Variants in SLC2A13 observed in about 807,000 individuals in gnomAD.
SLC2A13 encodes proton myo-inositol cotransporter.
A neutral mutation model predicts 64.4 loss-of-function variants in SLC2A13; 32 were observed. The ratio of observed to expected loss-of-function variants is 0.50; its 90% CI spans 0.37 to 0.67. The LOEUF (loss-of-function observed/expected upper bound fraction) is 0.67. Among genes scored for constraint, SLC2A13 ranks in the 30% least tolerant of loss-of-function variants. SLC2A13 has a pLI of 0.00. For missense variants in SLC2A13, 743 were observed against 829.2 expected (o/e 0.90, Z 1.28); for synonymous variants, 338 against 327.1 (o/e 1.03, Z -0.36).
At chr12:39,946,116 T>G (rs2136093397) in intron 4 of SLC2A13, among the ~76,000 whole-genome samples, 1 of 152,332 alleles carries the variant, frequency 6.6e-6, no homozygotes, top group East Asian at 1.9e-4. Context: ...CTGCAGTGTT[T>G]GTTGTCTCTC....
At chr12:39,829,472 T>TC (rs1942794956) in intron 7 of SLC2A13, 1 of 107,610 alleles carries the variant, frequency 9.3e-6, no homozygotes, top group African/African-American at 4.2e-5. Flanking sequence ...AGTGGTTTGA[T>TC]CTCAGCTCAC....
intron 3 of SLC2A13, among the ~76,000 whole-genome samples, chr12:40,025,106 T>C (rs1429130411): frequency 1.3e-5 from 2 of 152,196 alleles, no homozygotes; most frequent in Non-Finnish European, 2.9e-5. Flanking sequence ...TTGCCAACTA[T>C]AGTGGAAAAA....
chr12:39,976,819 A>G (rs778023414), intron 3 of SLC2A13, among the ~76,000 whole-genome samples: 2 of 152,082 alleles, frequency 1.3e-5, no homozygotes, highest in African/African-American at 4.8e-5. Context: ...CCAAACCAAA[A>G]CTTCCAACTT....
chr12:39,948,801 A>G (rs139723832), intron 4 of SLC2A13, among the ~76,000 whole-genome samples: 61 of 152,292 alleles, frequency 4.0e-4, no homozygotes, highest in African/African-American at 1.4e-3. Flanking sequence ...ATACATAAAC[A>G]TATGTGTTAT....
intron 4 of SLC2A13, among the ~76,000 whole-genome samples, chr12:39,896,586 A>G (rs868743093): frequency 1.3e-4 from 19 of 151,012 alleles, no homozygotes; most frequent in South Asian, 4.2e-4. Context: ...GTGTGTATAT[A>G]TGTATACATA....
rs1939294463 is a variant in SLC2A13, at chr12:40,105,889, G to C, written c.-81C>G. 2 of 1,262,790 alleles carry C rather than the reference G, an allele frequency of 1.6e-6. No individual in the cohort carries two copies. Among genetic ancestry groups the C allele is most frequent in the South Asian group, 2.7e-5 (1 of 37,402 alleles). 78.2% of individuals were successfully genotyped at this position (1,262,790 alleles called of 1,614,324 possible). The stretch of plus-strand genomic sequence containing the variant: ...GGCGAGCTAGACAGCCCGAGCCGGC[G>C]GGAGCAACCGCCGCTGCCGCCGCTT... On this transcript the variant is annotated 5_prime_UTR_variant, in exon 1 of 10. Transcript: ENST00000280871. This position sits in a 1 kb window ranked among gnomAD's most constrained non-coding sequence, Gnocchi z 4.2.
chr12:40,009,072 T>C (rs1947474790), intron 3 of SLC2A13, among the ~76,000 whole-genome samples: 1 of 152,202 alleles, frequency 6.6e-6, no homozygotes, highest in Non-Finnish European at 1.5e-5. Flanking sequence ...ATACATGCAT[T>C]ATGATACTAT....
intron 4 of SLC2A13, among the ~76,000 whole-genome samples, chr12:39,882,332 G>A (rs1944360198): frequency 6.6e-6 from 1 of 152,136 alleles, no homozygotes; most frequent in South Asian, 2.1e-4. Context: ...AGGTGATGCT[G>A]ATCCTGCTTT....
chr12:39,828,511 C>T (rs144041517), intron 7 of SLC2A13, among the ~76,000 whole-genome samples: 242 of 152,124 alleles, frequency 1.6e-3, no homozygotes, highest in Non-Finnish European at 2.9e-3. Flanking sequence ...TGCAAAAAAG[C>T]CAAAACTCCT....
Position 39,989,645 on chromosome 12 carries a change from G to A in SLC2A13, c.926-38280C>T, listed in dbSNP as rs1947097599. Among the ~76,000 whole-genome samples the A allele has an allele frequency of 2.0e-5, 3 of 152,194 alleles. No individual in the cohort carries two copies. The South Asian group carries it at 6.2e-4, about 32-fold the overall frequency. ...ATGACACTGAAACTAGGTCTTAAAA[G>A]AAGATTCAGGCTTGACTGACATGGA... is the stretch of plus-strand genomic sequence containing the variant. On this transcript the variant is annotated intron_variant, in intron 3 of 9. Transcript: ENST00000280871.
intron 1 of SLC2A13, among the ~76,000 whole-genome samples, chr12:40,056,526 C>T (rs1050974309): frequency 7.9e-5 from 12 of 152,218 alleles, no homozygotes; most frequent in Middle Eastern, 6.8e-3. Context: ...AATATGCTTT[C>T]CCCAAGGCAG....
chr12:39,838,817 T>G (rs1413612618), intron 6 of SLC2A13, among the ~76,000 whole-genome samples: 1 of 152,116 alleles, frequency 6.6e-6, no homozygotes, highest in Admixed American at 6.6e-5. Context: ...TGAAGCTGGG[T>G]GTGAACTCAG....
At chr12:39,920,280 G>A (rs557143439) in intron 4 of SLC2A13, among the ~76,000 whole-genome samples, 7 of 152,186 alleles carry the variant, frequency 4.6e-5, no homozygotes, top group East Asian at 3.9e-4. Context: ...AAGAGACTGC[G>A]AATTTCCAAA....
chr12:39,998,263 T>C (rs76551573), intron 3 of SLC2A13, among the ~76,000 whole-genome samples: 2 of 152,350 alleles, frequency 1.3e-5, no homozygotes, highest in East Asian at 3.9e-4. Context: ...TATTATTCTA[T>C]GTGAAATAAA....
At chr12:40,082,146 CAT>C (rs1345426740) in intron 1 of SLC2A13, among the ~76,000 whole-genome samples, 2 of 152,190 alleles carry the variant, frequency 1.3e-5, no homozygotes, top group African/African-American at 2.4e-5. Context: ...GGTCCCTGCA[CAT>C]GTGTGCACCA....
intron 1 of SLC2A13, among the ~76,000 whole-genome samples, chr12:40,077,334 AGAAAG>A (rs1938215196): frequency 2.0e-5 from 3 of 152,030 alleles, no homozygotes; most frequent in African/African-American, 2.4e-5. Context: ...TTGTATATGA[AGAAAG>A]GAAAGGGTCC....
chr12:40,092,952 G>A (rs781208600), intron 1 of SLC2A13, among the ~76,000 whole-genome samples: 1 of 152,208 alleles, frequency 6.6e-6, no homozygotes, highest in East Asian at 1.9e-4. Context: ...AAAGAGAGGA[G>A]ACATTAGAGC....
intron 4 of SLC2A13, chr12:39,950,256 A>G (rs1946204480): frequency 6.6e-6 from 1 of 152,206 alleles, no homozygotes; most frequent in African/African-American, 2.4e-5. Flanking sequence ...ATTAAAAAAA[A>G]TCAAGAGTCT....
intron 7 of SLC2A13, among the ~76,000 whole-genome samples, chr12:39,829,187 C>G (rs559232454): frequency 1.1e-4 from 17 of 151,868 alleles, no homozygotes; most frequent in African/African-American, 4.1e-4. Flanking sequence ...GTTCATAAAT[C>G]TGGAGAATAT....
Sources: allele counts gnomAD v4.1 joint callset (sites outside exome capture counted in the v4.1 genomes callset), GRCh38; gene constraint gnomAD v4.1.1; non-coding constraint Gnocchi (gnomAD v3.1); transcripts MANE v1.5; gene names NCBI Gene and HGNC (gene_info 2026-07-23, HGNC 2026-07-21).